CLSTN2: variants seen among roughly 807,000 people sequenced by gnomAD.
The protein encoded by CLSTN2 is calsyntenin 2, also known as calsyntenin-2.
Under a neutral mutation model 101.2 loss-of-function variants are expected in CLSTN2, and 48 were observed. The observed-to-expected ratio is 0.47, with a 90% CI of 0.38 to 0.60. The LOEUF (loss-of-function observed/expected upper bound fraction) is 0.60. CLSTN2 is among the 20% of genes least tolerant of loss of function. The pLI is 0.00. For synonymous variants in CLSTN2, 481 were observed against 463.6 expected, an observed-to-expected ratio of 1.04 and a Z score of -0.48; for missense variants, 1,160 against 1,238.2, an observed-to-expected ratio of 0.94 and a Z score of 0.95.
At chr3:140,550,019 TTTTCA>T (rs1935674817) in intron 10 of CLSTN2, among the ~76,000 whole-genome samples, 1 of 150,584 alleles carries the variant, frequency 6.6e-6, no homozygotes, top group Admixed American at 6.7e-5. Context: ...CCTGTTCTGA[TTTTCA>T]TAGCACAATC....
intron 8 of CLSTN2, among the ~76,000 whole-genome samples, chr3:140,523,762 G>A (rs1412685905): frequency 6.6e-6 from 1 of 152,156 alleles, no homozygotes; most frequent in Admixed American, 6.5e-5. Context: ...GACTTGGCCT[G>A]TACCAATCCC....
chr3:140,209,058 A>G (rs1055090120), intron 2 of CLSTN2, among the ~76,000 whole-genome samples: 1 of 152,224 alleles, frequency 6.6e-6, no homozygotes. Flanking sequence ...ACCTTTCTAT[A>G]AGAACAATTT....
At chr3:139,949,902 G>T (rs1330064519) in intron 1 of CLSTN2, among the ~76,000 whole-genome samples, 2 of 152,144 alleles carry the variant, frequency 1.3e-5, no homozygotes, top group African/African-American at 4.8e-5. Flanking sequence ...TTCCAAACAG[G>T]TCATTAAAAA....
chr3:140,459,599 G>A lies in CLSTN2; in HGVS notation c.1052G>A (p.Ser351Asn). 6.2e-7 allele frequency: 1 copy of A among 1,614,128 alleles called. No individual in the cohort carries two copies. Among genetic ancestry groups the A allele is most frequent in the South Asian group, 1.1e-5 (1 of 91,080 alleles). Reference sequence around the variant, plus strand: ...TGGACTGCAGGACTGCTGGTGGACAGCAGTGAGATGATCTTCAAGTTTGAC... The same window carrying A: ...TGGACTGCAGGACTGCTGGTGGACAACAGTGAGATGATCTTCAAGTTTGAC... ...TNWTAGLLVD[S>N]SEMIFKFDGR... Residue 351 changes from serine (S) to asparagine (N), a missense_variant, in exon 7 of 17, where the codon AGC becomes AAC. By Grantham distance (46) the Ser-to-Asn change is conservative. Coordinates refer to ENST00000458420, the MANE Select transcript of CLSTN2 (RefSeq NM_022131.3).
chr3:139,998,863 G>A (rs2006754969), intron 1 of CLSTN2, among the ~76,000 whole-genome samples: 1 of 152,096 alleles, frequency 6.6e-6, no homozygotes, highest in African/African-American at 2.4e-5. Flanking sequence ...TTATATTCTA[G>A]TCACACACAC....
At chr3:140,479,263 A>G (rs1278737793) in intron 8 of CLSTN2, among the ~76,000 whole-genome samples, 2 of 152,224 alleles carry the variant, frequency 1.3e-5, no homozygotes, top group African/African-American at 2.4e-5. Context: ...AGCACAGACT[A>G]TGTGCCAGGA....
intron 12 of CLSTN2, among the ~76,000 whole-genome samples, chr3:140,560,759 T>A (rs544763607): frequency 6.6e-6 from 1 of 152,014 alleles, no homozygotes; most frequent in East Asian, 1.9e-4. Flanking sequence ...GAGCTCTCAG[T>A]CAGCCACAGC....
At chr3:140,466,885 G>A (rs570984526) in intron 8 of CLSTN2, among the ~76,000 whole-genome samples, 154 bp downstream of exon 8, 9 of 152,260 alleles carry the variant, frequency 5.9e-5, no homozygotes, top group African/African-American at 1.9e-4. Flanking sequence ...GCATCTTAAA[G>A]TCAGGAAGGA....
chr3:140,264,375 AATATATATATAT>A (rs61248635), intron 2 of CLSTN2, among the ~76,000 whole-genome samples: 1,505 of 98,218 alleles, frequency 0.015, 22 homozygotes, highest in Non-Finnish European at 0.017. Flanking sequence ...TAATGAATCA[AATATATATATAT>A]ATATATATAT....
At chr3:140,428,944 G>T (rs551628513) in intron 5 of CLSTN2, among the ~76,000 whole-genome samples, 1 of 152,232 alleles carries the variant, frequency 6.6e-6, no homozygotes, top group East Asian at 1.9e-4. Flanking sequence ...GTAAAATGCA[G>T]ATCCCGATTT....
intron 1 of CLSTN2, among the ~76,000 whole-genome samples, chr3:140,020,483 C>T (rs995167490): frequency 6.6e-6 from 1 of 152,142 alleles, no homozygotes; most frequent in African/African-American, 2.4e-5. Flanking sequence ...CTCTTTCTAC[C>T]CCTGCAACAG....
At position 140,572,751 on chromosome 3, in the gene CLSTN2, T is replaced by G. The variant is rs1055976441; in HGVS notation, c.*6498T>G. The G allele has an allele frequency of 3.3e-5, 5 of 152,296 alleles. No homozygotes were observed. Among genetic ancestry groups the G allele is most frequent in the Non-Finnish European group, 7.3e-5 (5 of 68,104 alleles). The allele number at this position is 152,296 out of a possible 1,614,324, so 9.4% of individuals were successfully genotyped here. A position where few individuals can be genotyped will look rare whatever the true frequency, so the allele number is the denominator to read the frequency against. On this transcript the variant is annotated 3_prime_UTR_variant, in exon 17 of 17. Coordinates refer to ENST00000458420, the MANE Select transcript of CLSTN2 (RefSeq NM_022131.3). ...GAGCTTTCTGACACACACTAAAGTT[T>G]GAGAACCACTGATGCAGAGGATGAG...
At chr3:140,526,324 A>C (rs1935137723) in intron 8 of CLSTN2, among the ~76,000 whole-genome samples, 1 of 152,120 alleles carries the variant, frequency 6.6e-6, no homozygotes, top group Non-Finnish European at 1.5e-5. Context: ...ATAGCCACAA[A>C]ATAAATGAAA....
At chr3:140,094,100 C>T (rs2008827540) in intron 1 of CLSTN2, among the ~76,000 whole-genome samples, 1 of 152,204 alleles carries the variant, frequency 6.6e-6, no homozygotes, top group Non-Finnish European at 1.5e-5. Context: ...ATTTTTCTGT[C>T]ACTAATATCC....
intron 1 of CLSTN2, among the ~76,000 whole-genome samples, chr3:140,019,727 C>A (rs528435941): frequency 1.3e-5 from 2 of 151,988 alleles, no homozygotes; most frequent in East Asian, 1.9e-4. Context: ...TTGAGGGGAC[C>A]AGTGTACTTA....
At chr3:140,196,318 C>A (rs984000965) in intron 2 of CLSTN2, among the ~76,000 whole-genome samples, 48 of 152,144 alleles carry the variant, frequency 3.2e-4, no homozygotes, top group African/African-American at 1.1e-3. Context: ...TAACGAAAGT[C>A]CAGGAAGGAA....
intron 8 of CLSTN2, among the ~76,000 whole-genome samples, chr3:140,480,875 A>C (rs1235091910): frequency 2.0e-5 from 3 of 151,652 alleles, no homozygotes; most frequent in Admixed American, 2.0e-4. Context: ...GATTGCAAAA[A>C]TTTTCTCCCA....
chr3:140,232,606 C>T (rs2086380290), intron 2 of CLSTN2, among the ~76,000 whole-genome samples: 1 of 152,164 alleles, frequency 6.6e-6, no homozygotes, highest in African/African-American at 2.4e-5. Context: ...TCCCATGTGC[C>T]TACCCACTCA....
intron 4 of CLSTN2, among the ~76,000 whole-genome samples, chr3:140,405,689 T>C (rs952688883): frequency 2.0e-5 from 3 of 152,216 alleles, no homozygotes; most frequent in African/African-American, 7.2e-5. Flanking sequence ...TCACCACGAA[T>C]AGAAAACTCA....
Sources: allele counts gnomAD v4.1 joint callset (sites outside exome capture counted in the v4.1 genomes callset), GRCh38; gene constraint gnomAD v4.1.1; transcripts MANE v1.5; gene names NCBI Gene and HGNC (gene_info 2026-07-23, HGNC 2026-07-21).